POLN: variants seen among roughly 807,000 people sequenced by gnomAD.
POLN encodes DNA polymerase N.
Under a neutral mutation model 113.5 loss-of-function variants are expected in POLN, and 108 were observed. The ratio of observed to expected loss-of-function variants is 0.95; its 90% CI spans 0.81 to 1.12. The LOEUF (loss-of-function observed/expected upper bound fraction) is 1.12. POLN is among the 50% of genes most tolerant of loss of function. The pLI is 0.00. For missense variants in POLN, 1,097 were observed against 1,077.1 expected (o/e 1.02, Z -0.26); for synonymous variants, 386 against 391.5 (o/e 0.99, Z 0.17).
rs1560958468 is a variant in POLN, at chr4:2,072,264, T to A, written c.2553A>T (p.Ser851=). The A allele has an allele frequency of 1.3e-6, 2 of 1,593,638 alleles. No homozygotes were observed. The highest frequency in any genetic ancestry group is 1.7e-6 in the Non-Finnish European group (2 of 1,169,822). The change falls in exon 26 of 26, where the codon TCA becomes TCT. Residue 851 remains serine, a synonymous_variant. Transcript: ENST00000511885. Reference sequence around the variant, plus strand: ...CCTGCAGTGGCACCAGGTGTCCCCATGAGCGGCCGGCACTCAGGCTCACCT... The same window carrying A: ...CCTGCAGTGGCACCAGGTGTCCCCAAGAGCGGCCGGCACTCAGGCTCACCT... ...PLKVSLSAGR[S]WGHLVPLQEA...
rs140821521 is a variant in POLN at position 2,217,659 on chromosome 4, T to C, written c.134-4533A>G. Reference sequence around the variant, plus strand: ...AAAATTTATAATTTGTTTCTGCAGATAGCATTGCCTTGCTCCAGAGTTCTA... The same window carrying C: ...AAAATTTATAATTTGTTTCTGCAGACAGCATTGCCTTGCTCCAGAGTTCTA... On this transcript the variant is annotated intron_variant, in intron 3 of 25. Coordinates refer to ENST00000511885, the MANE Select transcript of POLN (RefSeq NM_181808.4). 1.7e-3 allele frequency among the ~76,000 whole-genome samples: 254 copies of C among 152,308 alleles called. 3 individuals carry two copies. Among genetic ancestry groups the C allele is most frequent in the African/African-American group, 5.8e-3 (241 of 41,586 alleles).
At chr4:2,236,880 A>AATTATAATTATAATAATAAT (rs1489904831) in intron 2 of POLN, among the ~76,000 whole-genome samples, 8 of 148,876 alleles carry the variant, frequency 5.4e-5, no homozygotes, top group Non-Finnish European at 7.4e-5. Context: ...TAATAATAAT[A>AATTATAATTATAATAATAAT]ATTATAATTA....
intron 8 of POLN, chr4:2,177,239 G>C: frequency 2.2e-6 from 1 of 461,336 alleles, no homozygotes; most frequent in Middle Eastern, 3.3e-4. Flanking sequence ...CCCTGGTATG[G>C]CACAGCTGCA....
intron 4 of POLN, among the ~76,000 whole-genome samples, chr4:2,211,180 C>T (rs138197256): frequency 0.041 from 5,960 of 146,800 alleles, 436 homozygotes; most frequent in African/African-American, 0.14. Flanking sequence ...ACCCAGGAGG[C>T]GGAGGTTGCA....
intron 3 of POLN, among the ~76,000 whole-genome samples, chr4:2,219,980 G>A (rs1173406818): frequency 1.3e-5 from 2 of 152,032 alleles, no homozygotes; most frequent in Non-Finnish European, 2.9e-5. Context: ...CTCAGACCCA[G>A]CCCACCATAG....
At chr4:2,238,741 T>C (rs1560105714) in intron 2 of POLN, 1 of 1,613,870 alleles carries the variant, frequency 6.2e-7, no homozygotes, top group Non-Finnish European at 8.5e-7. Context: ...AATTTTCAAG[T>C]TGACGATATA....
At chr4:2,235,959 TTTTA>T (rs768165609) in intron 2 of POLN, among the ~76,000 whole-genome samples, 20 of 152,044 alleles carry the variant, frequency 1.3e-4, no homozygotes, top group East Asian at 1.9e-4. Context: ...ACAGAGGCGG[TTTTA>T]TTTATTTTTT....
chr4:2,212,029 G>C (rs112533138), intron 4 of POLN, among the ~76,000 whole-genome samples: 50 of 152,220 alleles, frequency 3.3e-4, no homozygotes, highest in African/African-American at 1.2e-3. Flanking sequence ...TATGAACCCA[G>C]GGGCAAATAA....
chr4:2,102,789 GA>G (rs1428220740), intron 19 of POLN, among the ~76,000 whole-genome samples: 1 of 152,138 alleles, frequency 6.6e-6, no homozygotes, highest in Admixed American at 6.5e-5. Context: ...ACATCCCAAA[GA>G]AACCACAGAT....
At chr4:2,145,047 T>C (rs1732101733) in intron 16 of POLN, among the ~76,000 whole-genome samples, 1 of 152,170 alleles carries the variant, frequency 6.6e-6, no homozygotes, top group African/African-American at 2.4e-5. Context: ...ACTGTAGTTC[T>C]TACAATAACA....
In POLN at chr4:2,238,595, C is replaced by G. The variant is rs771370844; in HGVS notation, c.-13+2925G>C. On this transcript the variant is annotated intron_variant, in intron 2 of 25. Transcript: ENST00000511885. Reference sequence around the variant, plus strand: ...AATATTTACTAAAGAAACAATGAAGCATACGTACCTATGAGTAGAATAATC... The same window carrying G: ...AATATTTACTAAAGAAACAATGAAGGATACGTACCTATGAGTAGAATAATC... 2.7e-6 allele frequency: 4 copies of G among 1,507,426 alleles called. No individual in the cohort carries two copies. In the East Asian group the frequency reaches 6.9e-5, roughly 26 times the overall value. The allele number at this position is 1,507,426 out of a possible 1,614,324, so 93.4% of individuals were successfully genotyped here.
intron 7 of POLN, among the ~76,000 whole-genome samples, chr4:2,189,036 T>G (rs1005851110): frequency 6.6e-6 from 1 of 152,180 alleles, no homozygotes; most frequent in Non-Finnish European, 1.5e-5. Flanking sequence ...TTTAGTGTAT[T>G]TATTACTGGT....
chr4:2,236,250 T>A (rs1455357880), intron 2 of POLN: 1 of 1,611,654 alleles, frequency 6.2e-7, no homozygotes, highest in East Asian at 2.2e-5. Flanking sequence ...CAAAAGCTGA[T>A]TTCCTCCTTG....
At chr4:2,129,324 CAATATTATTTG>C in intron 17 of POLN, 68 bp from the exon 18 acceptor site, 7 of 954,996 alleles carry the variant, frequency 7.3e-6, no homozygotes, top group Non-Finnish European at 1.2e-5. Flanking sequence ...TTCCTCAATA[CAATATTATTTG>C]AATATTATTC....
intron 19 of POLN, among the ~76,000 whole-genome samples, chr4:2,118,979 A>G (rs1312246641): frequency 6.6e-6 from 1 of 152,184 alleles, no homozygotes; most frequent in African/African-American, 2.4e-5. Flanking sequence ...CTCATGTTCC[A>G]TTGGCAAGTC....
chr4:2,132,222 A>G (rs1373752501), intron 16 of POLN, among the ~76,000 whole-genome samples: 3 of 152,194 alleles, frequency 2.0e-5, no homozygotes, highest in African/African-American at 7.2e-5. Context: ...TATTTACAGG[A>G]TAAGCTCAAT....
chr4:2,220,445 TA>T lies in POLN; in HGVS notation c.134-7320del, dbSNP rs374352337. On this transcript the variant is annotated intron_variant, in intron 3 of 25. Transcript: ENST00000511885. ...ACCAACTTCTCAGTGAGTTTAGTGA[TA>T]CCCCATAGGTGGGTTCCCACTTGCC... Among the ~76,000 whole-genome samples the T allele has an allele frequency of 2.4e-4, 36 of 152,330 alleles. No homozygotes were observed. In the East Asian group the frequency reaches 6.8e-3, roughly 29 times the overall value.
intron 19 of POLN, among the ~76,000 whole-genome samples, chr4:2,124,306 C>T (rs1274440381): frequency 6.6e-6 from 1 of 152,136 alleles, no homozygotes; most frequent in Non-Finnish European, 1.5e-5. Flanking sequence ...CAGGTTCTTG[C>T]TCTGTCGAGG....
intron 17 of POLN, 126 bp from the exon 18 acceptor site, chr4:2,129,382 A>G: frequency 1.7e-6 from 1 of 605,338 alleles, no homozygotes; most frequent in Non-Finnish European, 2.9e-6. Flanking sequence ...TTTTCCGAAT[A>G]TTTTTATTAA....
Sources: gnomAD v4.1 joint callset for allele counts (sites outside exome capture counted in the v4.1 genomes callset) on GRCh38, gnomAD v4.1.1 for gene constraint, MANE v1.5 for transcripts, NCBI Gene and HGNC (gene_info 2026-07-23, HGNC 2026-07-21) for gene names.